TET3: variants seen among roughly 807,000 people sequenced by gnomAD.
The protein encoded by TET3 is methylcytosine dioxygenase TET3.
A neutral mutation model predicts 141.4 loss-of-function variants in TET3; 19 were observed. That is an observed-to-expected ratio of 0.13 (90% confidence interval 0.09 to 0.20). The LOEUF is 0.20. Ranked by LOEUF, TET3 falls within the 10% of genes least tolerant of loss-of-function variation. The pLI is 1.00. For synonymous variants in TET3, 1,043 were observed against 980.9 expected (o/e 1.06, Z -1.18); for missense variants, 1,874 against 2,356.9 (o/e 0.80, Z 4.24).
rs79201046 is a variant in TET3, at chr2:74,080,546, G to A, written c.2634G>A (p.Thr878=). The A allele has an allele frequency of 2.8e-5, 45 of 1,613,458 alleles. No individual in the cohort carries two copies. In the East Asian group the frequency reaches 3.1e-4, roughly 11 times the overall value. Residue 878 remains threonine (T), a synonymous_variant, in exon 6 of 12, where the codon ACG becomes ACA. Transcript: ENST00000409262. ...TCCGGATCGAGAAGGTCATCTACAC[G>A]GGGAAGGAGGGAAAGAGCTCCCGCG... ...KAIRIEKVIY[T]GKEGKSSRGC... is the part of the protein sequence containing the mutation.
intron 10 of TET3, among the ~76,000 whole-genome samples, chr2:74,096,015 ATTTC>A (rs1331709052): frequency 2.0e-5 from 3 of 151,984 alleles, no homozygotes; most frequent in Non-Finnish European, 2.9e-5. Flanking sequence ...ATTTTTTCCT[ATTTC>A]TTCTTACACA....
chr2:74,022,528 T>G (rs1686109385), intron 3 of TET3, among the ~76,000 whole-genome samples: 1 of 151,752 alleles, frequency 6.6e-6, no homozygotes, highest in Non-Finnish European at 1.5e-5. Context: ...TTTTTTTACA[T>G]GCTTGTGTGA....
intron 2 of TET3, among the ~76,000 whole-genome samples, chr2:73,989,650 T>G (rs1481730290): frequency 5.5e-5 from 7 of 127,496 alleles, no homozygotes; most frequent in African/African-American, 3.0e-4. Flanking sequence ...CGGTGACTAC[T>G]TCTCTGGGTC....
rs1439472112 is a variant in TET3, at chr2:74,092,947, G to A, written c.3085G>A (p.Ala1029Thr). The change falls in exon 9 of 12, where the codon GCT becomes ACT. Residue 1029 changes from alanine to threonine, a missense_variant. Ala to Thr is a moderately conservative substitution (Grantham distance 58). Transcript: ENST00000409262. ...KSFQDLATEV[A>T]PLYKRLAPQA... is the part of the protein sequence containing the mutation. ...TTTCCAGGACCTGGCCACCGAAGTC[G>A]CTCCCCTGTACAAGCGACTGGCCCC... The A allele has an allele frequency of 1.3e-6, 2 of 1,588,320 alleles. No individual in the cohort carries two copies. Among genetic ancestry groups the A allele is most frequent in the Non-Finnish European group, 1.7e-6 (2 of 1,167,528 alleles).
At chr2:74,061,078 C>G (rs1197271794) in intron 4 of TET3, among the ~76,000 whole-genome samples, 1 of 151,664 alleles carries the variant, frequency 6.6e-6, no homozygotes, top group Admixed American at 6.5e-5. Context: ...TCCTCACTTC[C>G]CAGTAGGGGC....
chr2:74,106,466 G>A lies in TET3; in HGVS notation c.*4290G>A, dbSNP rs1691509881. The stretch of plus-strand genomic sequence containing the variant: ...AGCAGACATCTCTGGGAGTCCCAAG[G>A]GCACACCAAGGGAGACCAGATGGAT... On this transcript the variant is annotated 3_prime_UTR_variant, in exon 12 of 12. Coordinates refer to ENST00000409262, the MANE Select transcript of TET3 (RefSeq NM_001287491.2). 1 of 153,672 alleles carries A rather than the reference G, an allele frequency of 6.5e-6. No individual in the cohort carries two copies. Among genetic ancestry groups the A allele is most frequent in the Admixed American group, 6.6e-5 (1 of 15,264 alleles). 9.5% of individuals were successfully genotyped at this position (153,672 alleles called of 1,614,324 possible). A position where few individuals can be genotyped will look rare whatever the true frequency, so the allele number is the denominator to read the frequency against.
At chr2:74,009,509 A>G (rs1685318130) in intron 3 of TET3, among the ~76,000 whole-genome samples, 1 of 152,204 alleles carries the variant, frequency 6.6e-6, no homozygotes, top group African/African-American at 2.4e-5. Flanking sequence ...ATGGATCATT[A>G]TTGCCTTACA....
At chr2:74,010,194 A>G (rs1685353946) in intron 3 of TET3, among the ~76,000 whole-genome samples, 1 of 152,156 alleles carries the variant, frequency 6.6e-6, no homozygotes, top group Non-Finnish European at 1.5e-5. Flanking sequence ...GGGCCAAAGC[A>G]GTCTAAACAC....
chr2:74,094,478 T>C (rs978998216), intron 10 of TET3, among the ~76,000 whole-genome samples: 1 of 152,188 alleles, frequency 6.6e-6, no homozygotes, highest in Non-Finnish European at 1.5e-5. Flanking sequence ...TGTTGAGGGC[T>C]TCTCAGCTGG....
At chr2:73,986,753 G>C (rs1175865768) in intron 2 of TET3, 47 bp downstream of exon 2, 1 of 1,227,304 alleles carries the variant, frequency 8.1e-7, no homozygotes, top group East Asian at 3.2e-5. Context: ...TCGAGGGCAC[G>C]GTGATCACGG....
At chr2:74,005,646 G>A (rs1281464352) in intron 3 of TET3, among the ~76,000 whole-genome samples, 1 of 152,188 alleles carries the variant, frequency 6.6e-6, no homozygotes, top group Admixed American at 6.5e-5. Context: ...GTCACGAGAT[G>A]GGTGCTGGCT....
the TET3 span, among the ~76,000 whole-genome samples, chr2:74,123,415 A>G: frequency 6.6e-6 from 1 of 151,120 alleles, no homozygotes; most frequent in Non-Finnish European, 1.5e-5. Context: ...TCAGGAGATC[A>G]ACACCATCCT....
At chr2:74,010,804 G>A (rs1257169971) in intron 3 of TET3, among the ~76,000 whole-genome samples, 1 of 152,248 alleles carries the variant, frequency 6.6e-6, no homozygotes, top group African/African-American at 2.4e-5. Flanking sequence ...AGTGAAGACA[G>A]ACATGTCAGA....
the TET3 span, chr2:74,134,605 C>T: frequency 2.1e-5 from 9 of 437,996 alleles, no homozygotes; most frequent in African/African-American, 6.0e-5. Flanking sequence ...TGGTCAACCT[C>T]CCACTGCCAT....
chr2:74,123,748 A>C, the TET3 span, among the ~76,000 whole-genome samples: 1 of 146,640 alleles, frequency 6.8e-6, no homozygotes, highest in Non-Finnish European at 1.5e-5. Flanking sequence ...AGCCCTTCTG[A>C]CCGGCTGCCC....
chr2:74,045,674 T>G (rs970511814), intron 3 of TET3, among the ~76,000 whole-genome samples: 1 of 152,198 alleles, frequency 6.6e-6, no homozygotes, highest in African/African-American at 2.4e-5. Context: ...TGGGGCTGTG[T>G]GTGGGAATGT....
At chr2:74,050,639 TC>T (rs1427428661) in intron 4 of TET3, among the ~76,000 whole-genome samples, 1 of 152,160 alleles carries the variant, frequency 6.6e-6, no homozygotes. Context: ...AGCCTCCACT[TC>T]CTGGGCTCAA....
At chr2:74,092,565 G>A (rs969883990) in intron 8 of TET3, among the ~76,000 whole-genome samples, 15 of 152,142 alleles carry the variant, frequency 9.9e-5, no homozygotes, top group African/African-American at 3.4e-4. Flanking sequence ...CCACTGTGCC[G>A]CACCTCTGAC....
downstream of TET3, among the ~76,000 whole-genome samples, chr2:74,112,534 A>C (rs943897856): frequency 6.6e-6 from 1 of 152,206 alleles, no homozygotes; most frequent in African/African-American, 2.4e-5. Context: ...AAGTTATCTA[A>C]AGCCAAATAA....
Sources: gnomAD v4.1 joint callset for allele counts (sites outside exome capture counted in the v4.1 genomes callset) on GRCh38, gnomAD v4.1.1 for gene constraint, MANE v1.5 for transcripts, NCBI Gene and HGNC (gene_info 2026-07-23, HGNC 2026-07-21) for gene names.